The following DOK6 variants were observed in gnomAD, a reference collection of about 807,000 sequenced individuals.
DOK6 encodes the protein docking protein 6, also known as downstream of tyrosine kinase 6.
DOK6 carries 22 observed loss-of-function variants against 44.0 expected under a neutral mutation model. The ratio of observed to expected loss-of-function variants is 0.50; its 90% CI spans 0.36 to 0.71. The LOEUF (loss-of-function observed/expected upper bound fraction) is 0.71, where lower values mean the gene tolerates loss of function less well. Ranked by LOEUF, DOK6 falls within the 30% of genes least tolerant of loss-of-function variation. DOK6 has a pLI of 0.00. For synonymous variants in DOK6, 166 were observed against 145.5 expected, an observed-to-expected ratio of 1.14 and a Z score of -1.01; for missense variants, 340 against 416.4, an observed-to-expected ratio of 0.82 and a Z score of 1.60.
chr18:69,688,726 TG>T (rs1437124051), intron 4 of DOK6, among the ~76,000 whole-genome samples: 1 of 152,236 alleles, frequency 6.6e-6, no homozygotes, highest in East Asian at 1.9e-4. Context: ...TTCGCCATGT[TG>T]GCCAGGCTGG....
At chr18:69,728,713 G>A (rs1978325376) in intron 5 of DOK6, among the ~76,000 whole-genome samples, 1 of 151,962 alleles carries the variant, frequency 6.6e-6, no homozygotes, top group African/African-American at 2.4e-5. Context: ...GTTTGTGGAA[G>A]AGAAAAGGTC....
In DOK6 at chr18:69,813,656, G is replaced by A. The variant is rs1486224789; in HGVS notation, c.857-27588G>A. ...TCTTGGGGGTTAAGTGATGGGATAG[G>A]GGAACCTAAGGAAAGCTTTGTCTTT... On this transcript the variant is annotated intron_variant, in intron 7 of 7. Transcript: ENST00000382713. 3.9e-5 allele frequency among the ~76,000 whole-genome samples: 6 copies of A among 152,136 alleles called. No individual in the cohort carries two copies. In the East Asian group the frequency reaches 5.8e-4, roughly 15 times the overall value.
intron 7 of DOK6, among the ~76,000 whole-genome samples, chr18:69,814,261 C>G (rs1323531262): frequency 6.6e-6 from 1 of 152,170 alleles, no homozygotes; most frequent in Non-Finnish European, 1.5e-5. Context: ...GTAGCCTAGA[C>G]CAGATACTCC....
At chr18:69,448,946 T>C (rs1979375354) in intron 1 of DOK6, among the ~76,000 whole-genome samples, 1 of 152,014 alleles carries the variant, frequency 6.6e-6, no homozygotes, top group Non-Finnish European at 1.5e-5. Context: ...ATATAGAGAG[T>C]CGCCAAATAA....
chr18:69,776,459 G>C (rs921452855), intron 7 of DOK6, among the ~76,000 whole-genome samples: 13 of 151,986 alleles, frequency 8.6e-5, no homozygotes, highest in African/African-American at 3.1e-4. Flanking sequence ...GGAACTACAC[G>C]ATAATGAAAA....
At chr18:69,507,280 G>T (rs1420613904) in intron 1 of DOK6, among the ~76,000 whole-genome samples, 1 of 152,078 alleles carries the variant, frequency 6.6e-6, no homozygotes, top group Non-Finnish European at 1.5e-5. Context: ...GCCCACCTCG[G>T]CCTCCCAAAG....
At chr18:69,425,512 G>A (rs888223299) in intron 1 of DOK6, among the ~76,000 whole-genome samples, 1 of 151,658 alleles carries the variant, frequency 6.6e-6, no homozygotes, top group African/African-American at 2.4e-5. Flanking sequence ...ATCCCACAAT[G>A]ATATATGTCC....
chr18:69,728,100 C>G (rs1978319747), intron 5 of DOK6, among the ~76,000 whole-genome samples: 1 of 152,204 alleles, frequency 6.6e-6, no homozygotes, highest in African/African-American at 2.4e-5. Context: ...TGATCCTGAC[C>G]AGTTTCCTCG....
chr18:69,755,131 C>T (rs754567310), intron 6 of DOK6, among the ~76,000 whole-genome samples: 4 of 151,952 alleles, frequency 2.6e-5, no homozygotes, highest in South Asian at 2.1e-4. Flanking sequence ...TCCTAGAACA[C>T]GAAAACAATG....
chr18:69,511,972 A>C (rs141549337), intron 1 of DOK6, among the ~76,000 whole-genome samples: 83 of 152,250 alleles, frequency 5.5e-4, no homozygotes, highest in African/African-American at 2.0e-3. Flanking sequence ...TGGACTGATA[A>C]TATCAGTTGG....
intron 2 of DOK6, among the ~76,000 whole-genome samples, chr18:69,573,821 A>G (rs1021171491): frequency 2.0e-5 from 3 of 151,896 alleles, no homozygotes; most frequent in African/African-American, 7.2e-5. Context: ...GGTTTTCTTC[A>G]AATTCTCTTT....
At chr18:69,689,536 C>T (rs1048639784) in intron 4 of DOK6, among the ~76,000 whole-genome samples, 10 of 152,050 alleles carry the variant, frequency 6.6e-5, no homozygotes, top group African/African-American at 9.7e-5. Flanking sequence ...TATAATGACT[C>T]GCTCTATATG....
At chr18:69,527,508 C>T (rs561495502) in intron 1 of DOK6, among the ~76,000 whole-genome samples, 1 of 152,286 alleles carries the variant, frequency 6.6e-6, no homozygotes, top group East Asian at 1.9e-4. Flanking sequence ...GTGGTAACTG[C>T]CCCCGTGATT....
intron 7 of DOK6, among the ~76,000 whole-genome samples, chr18:69,764,453 C>G (rs894406237): frequency 6.6e-6 from 1 of 152,128 alleles, no homozygotes; most frequent in Non-Finnish European, 1.5e-5. Flanking sequence ...GGGGGCAGTT[C>G]CTCCATGCTC....
At chr18:69,699,584 A>G (rs1986466087) in intron 5 of DOK6, among the ~76,000 whole-genome samples, 1 of 152,128 alleles carries the variant, frequency 6.6e-6, no homozygotes. Flanking sequence ...AAAGCATTAG[A>G]TCCTGTGTTT....
rs543983236 is a variant in DOK6 at position 69,571,124 on chromosome 18, A to G, written c.174+6530A>G. On this transcript the variant is annotated intron_variant, in intron 2 of 7. Transcript: ENST00000382713. ...GTGGTGAGTAAAACGGACTCATACC[A>G]TTGTAAGATTTTCATGGCTTACATA... Among the ~76,000 whole-genome samples the G allele has an allele frequency of 2.0e-5, 3 of 152,178 alleles. No homozygotes were observed. The South Asian group carries it at 6.2e-4, about 31-fold the overall frequency.
intron 3 of DOK6, among the ~76,000 whole-genome samples, chr18:69,622,352 C>T (rs1255287964): frequency 6.6e-6 from 1 of 152,208 alleles, no homozygotes; most frequent in African/African-American, 2.4e-5. Context: ...ATCACATTGA[C>T]ATCTGCAGTA....
At chr18:69,462,285 C>T (rs1979809971) in intron 1 of DOK6, among the ~76,000 whole-genome samples, 1 of 152,076 alleles carries the variant, frequency 6.6e-6, no homozygotes, top group Non-Finnish European at 1.5e-5. Context: ...GGAGGCCTGT[C>T]AGATGGAAGC....
At position 69,733,136 on chromosome 18, in the gene DOK6, T is replaced by C. The variant is rs569714047; in HGVS notation, c.600-5829T>C. On this transcript the variant is annotated intron_variant, in intron 5 of 7. Coordinates refer to ENST00000382713, the MANE Select transcript of DOK6 (RefSeq NM_152721.6). ...TTGAGCGCAGGAGTTCAAGGCTGCATTGAGCTATGCCTCTGCGCTCCAGCC... is the reference window on the plus strand; with the variant it reads ...TTGAGCGCAGGAGTTCAAGGCTGCACTGAGCTATGCCTCTGCGCTCCAGCC... Among the ~76,000 whole-genome samples the C allele has an allele frequency of 4.2e-4, 64 of 152,142 alleles. 1 individual carries two copies. The highest frequency in any genetic ancestry group is 1.9e-3 in the Admixed American group (29 of 15,284).
Sources: allele counts gnomAD v4.1 joint callset (sites outside exome capture counted in the v4.1 genomes callset), GRCh38; gene constraint gnomAD v4.1.1; transcripts MANE v1.5; gene names NCBI Gene and HGNC (gene_info 2026-07-23, HGNC 2026-07-21).